PRKCQ: variants seen among roughly 807,000 people sequenced by gnomAD.
The protein encoded by PRKCQ is protein kinase C theta type.
A neutral mutation model predicts 91.2 loss-of-function variants in PRKCQ; 41 were observed. The observed-to-expected ratio is 0.45, with a 90% confidence interval of 0.35 to 0.58. The LOEUF (loss-of-function observed/expected upper bound fraction) is 0.58, where lower values mean the gene tolerates loss of function less well. Among genes scored for constraint, PRKCQ ranks in the 20% least tolerant of loss-of-function variants. The pLI is 0.00. For synonymous variants in PRKCQ, 307 were observed against 316.9 expected (o/e 0.97, Z 0.33); for missense variants, 673 against 896.5 (o/e 0.75, Z 3.18).
At chr10:6,452,988 A>T (rs1002489780) in intron 15 of PRKCQ, among the ~76,000 whole-genome samples, 5 of 151,176 alleles carry the variant, frequency 3.3e-5, no homozygotes, top group African/African-American at 1.2e-4. Flanking sequence ...AAACCTAGGC[A>T]TTACCATTCA....
In PRKCQ at chr10:6,530,529, C is replaced by G. The variant is rs117697757; in HGVS notation, c.-9-15385G>C. Among the ~76,000 whole-genome samples, 878 of 152,316 alleles carry G rather than the reference C, an allele frequency of 5.8e-3. 32 individuals carry two copies. The East Asian group carries it at 0.079, about 14-fold the overall frequency. The stretch of plus-strand genomic sequence containing the variant: ...GCCGGCTCTGCCCGGCAACGGGGGA[C>G]TGGGCTATCACAGTCACAGGGGGGG... On this transcript the variant is annotated intron_variant, in intron 1 of 17. Transcript: ENST00000263125.
At position 6,483,359 on chromosome 10, in the gene PRKCQ, T is replaced by C. The variant is rs191129879; in HGVS notation, c.1179+81A>G. 337 of 1,550,122 alleles carry C rather than the reference T, an allele frequency of 2.2e-4. 2 individuals carry two copies. In the East Asian group the frequency reaches 3.8e-3, roughly 18 times the overall value. ...CTCACATGCAATCCTAGTGGCCCTATGAGTTTAATTTCTTTGACCAGGAAC... is the reference window on the plus strand; with the variant it reads ...CTCACATGCAATCCTAGTGGCCCTACGAGTTTAATTTCTTTGACCAGGAAC... On this transcript the variant is annotated intron_variant, in intron 11 of 17. Coordinates refer to ENST00000263125, the MANE Select transcript of PRKCQ (RefSeq NM_006257.5).
intron 15 of PRKCQ, among the ~76,000 whole-genome samples, chr10:6,444,708 AC>A (rs1834158755): frequency 7.2e-3 from 2 of 276 alleles, no homozygotes; most frequent in African/African-American, 7.4e-3. Context: ...ACACATAAAT[AC>A]ACACACACAC....
intron 14 of PRKCQ, among the ~76,000 whole-genome samples, chr10:6,460,067 C>T (rs1481555411): frequency 6.6e-6 from 1 of 152,126 alleles, no homozygotes; most frequent in East Asian, 1.9e-4. Flanking sequence ...ATGCAGCAGG[C>T]CAGTTTTAAA....
At chr10:6,422,829 G>A (rs569567111), downstream of PRKCQ, among the ~76,000 whole-genome samples, 1 of 152,310 alleles carries the variant, frequency 6.6e-6, no homozygotes, top group South Asian at 2.1e-4. Context: ...CCCTGGCTGG[G>A]CATTTCCTTC....
chr10:6,538,790 ATTCAT>A (rs1839675448), intron 1 of PRKCQ, among the ~76,000 whole-genome samples: 2 of 152,104 alleles, frequency 1.3e-5, no homozygotes, highest in South Asian at 4.1e-4. Flanking sequence ...GAATTTATTT[ATTCAT>A]TTATTTATTT....
chr10:6,558,501 A>G (rs1840504881), intron 1 of PRKCQ, among the ~76,000 whole-genome samples: 1 of 152,262 alleles, frequency 6.6e-6, no homozygotes. Context: ...GATAAAATGC[A>G]ACCAGAAAAC....
chr10:6,539,389 G>T (rs1839697743), intron 1 of PRKCQ, among the ~76,000 whole-genome samples: 1 of 152,056 alleles, frequency 6.6e-6, no homozygotes, highest in South Asian at 2.1e-4. Flanking sequence ...CCCGCCTCCT[G>T]TCAGATCAGC....
intron 1 of PRKCQ, among the ~76,000 whole-genome samples, chr10:6,531,268 C>T (rs940981991): frequency 1.5e-4 from 23 of 152,048 alleles, no homozygotes; most frequent in Admixed American, 1.5e-3. Flanking sequence ...GCAGCTTTCT[C>T]GTTTCTATTT....
Position 6,485,245 on chromosome 10 carries a change from G to A in PRKCQ, c.925C>T (p.Gln309Ter). 1 of 1,613,980 alleles carries A rather than the reference G, an allele frequency of 6.2e-7. No individual in the cohort carries two copies. The highest frequency in any genetic ancestry group is 8.5e-7 in the Non-Finnish European group (1 of 1,179,928). The change falls in exon 10 of 18, where the codon CAG becomes TAG. Residue 309 changes from glutamine (Q) to a stop codon, truncating the protein, a stop_gained. Transcript: ENST00000263125. LOFTEE classifies it high-confidence loss of function. ...QQARCLRDTEQIFREGPVEIG... is the reference protein window; with the variant it reads ...QQARCLRDTE ...TCAACCGGACCTTCTCTGAAGATCT[G>A]TTCAGTATCTCTTAAGCAGCGAGCC...
At position 6,517,160 on chromosome 10, in the gene PRKCQ, C is replaced by T. The variant is rs534722015; in HGVS notation, c.-9-2016G>A. 1.4e-3 allele frequency among the ~76,000 whole-genome samples: 213 copies of T among 152,076 alleles called. 1 individual carries two copies. The highest frequency in any genetic ancestry group is 5.0e-3 in the African/African-American group (207 of 41,448). On this transcript the variant is annotated intron_variant, in intron 1 of 17. Coordinates refer to ENST00000263125, the MANE Select transcript of PRKCQ (RefSeq NM_006257.5). The stretch of plus-strand genomic sequence containing the variant: ...TTTTCAGGCAGATGGCAGCGTTTTA[C>T]ACCCGAACTACACAGAGTGCTTTTC...
intron 12 of PRKCQ, among the ~76,000 whole-genome samples, chr10:6,475,296 G>A (rs1836213378): frequency 1.3e-5 from 2 of 152,268 alleles, no homozygotes; most frequent in Middle Eastern, 3.4e-3. Context: ...TCTCTGTCCT[G>A]GGCAGGGGTA....
intron 1 of PRKCQ, among the ~76,000 whole-genome samples, chr10:6,538,665 C>T (rs769438528): frequency 5.9e-5 from 9 of 152,198 alleles, no homozygotes; most frequent in Non-Finnish European, 1.3e-4. Context: ...TGTCCTAGTG[C>T]CAGCTGGTCA....
chr10:6,501,635 A>G (rs1837918281), intron 4 of PRKCQ, among the ~76,000 whole-genome samples: 1 of 152,094 alleles, frequency 6.6e-6, no homozygotes. Flanking sequence ...CAGCCTGACC[A>G]ATATGGTGAA....
intron 8 of PRKCQ, among the ~76,000 whole-genome samples, chr10:6,490,594 A>AG (rs1554772635): frequency 1.3e-5 from 2 of 151,292 alleles, no homozygotes; most frequent in Non-Finnish European, 2.9e-5. Flanking sequence ...AACAAAAAAA[A>AG]CAAAAACAGG....
chr10:6,521,356 G>C (rs1382984195), intron 1 of PRKCQ, among the ~76,000 whole-genome samples: 1 of 152,126 alleles, frequency 6.6e-6, no homozygotes, highest in Non-Finnish European at 1.5e-5. Flanking sequence ...AATTACAGAG[G>C]GAGTCAAGAG....
intron 7 of PRKCQ, among the ~76,000 whole-genome samples, chr10:6,494,646 C>T (rs4748099): frequency 0.1 from 15,224 of 152,132 alleles, 1,068 homozygotes; most frequent in Admixed American, 0.18. Flanking sequence ...GTAGGAGGAG[C>T]GGTCTCTGAG....
intron 15 of PRKCQ, among the ~76,000 whole-genome samples, chr10:6,452,689 T>C (rs910433276): frequency 4.7e-5 from 7 of 149,954 alleles, no homozygotes; most frequent in African/African-American, 1.7e-4. Flanking sequence ...AAGGCTACAG[T>C]AACCAAAACA....
chr10:6,520,657 A>G (rs1348335189), intron 1 of PRKCQ, among the ~76,000 whole-genome samples: 4 of 151,968 alleles, frequency 2.6e-5, no homozygotes, highest in Non-Finnish European at 5.9e-5. Flanking sequence ...CCCCTCCTCT[A>G]GAGCCCTCCC....
Sources: allele counts gnomAD v4.1 joint callset (sites outside exome capture counted in the v4.1 genomes callset), GRCh38; gene constraint gnomAD v4.1.1; transcripts MANE v1.5; gene names NCBI Gene and HGNC (gene_info 2026-07-23, HGNC 2026-07-21).